Variants in TEX11 observed in about 807,000 individuals in gnomAD.
TEX11 encodes the protein testis-expressed protein 11.
Under a neutral mutation model 84.4 loss-of-function variants are expected in TEX11, and 7 were observed. The ratio of observed to expected loss-of-function variants is 0.08; its 90% CI spans 0.05 to 0.16. The LOEUF is 0.16. TEX11 is among the 10% of genes least tolerant of loss of function. TEX11 has a pLI of 1.00. For synonymous variants in TEX11, 264 were observed against 222.8 expected, an observed-to-expected ratio of 1.18 and a Z score of -1.64; for missense variants, 551 against 660.5, an observed-to-expected ratio of 0.83 and a Z score of 1.82.
In TEX11 at chrX:70,553,410, T is replaced by C; in HGVS notation, c.2295A>G (p.Ile765Met). 1 of 1,181,154 alleles carries C rather than the reference T, an allele frequency of 8.5e-7. No homozygotes were observed. The highest frequency in any genetic ancestry group is 1.1e-6 in the Non-Finnish European group (1 of 874,789). The change falls in exon 27 of 30, where the codon ATA (isoleucine) becomes ATG (methionine). Residue 765 changes from isoleucine (I) to methionine (M), a missense_variant. By Grantham distance (10) the Ile-to-Met change is conservative (BLOSUM62 1). Transcript: ENST00000374333. ...GATAGTGTGCAGGCTTTTCCATTGC[T>C]ATTACTAGAGTAAGAAAAGGAAAAA... Reference protein sequence around the residue: ...ETKTFETIAIIAMEKPAHYPL... With the variant: ...ETKTFETIAIMAMEKPAHYPL...
At chrX:70,811,852 T>C (rs1211583186) in intron 8 of TEX11, among the ~76,000 whole-genome samples, 2 of 111,990 alleles carry the variant, frequency 1.8e-5, no homozygotes, top group Non-Finnish European at 3.8e-5. Flanking sequence ...TCATATCCTT[T>C]GCCCACTTGT....
At chrX:70,847,111 C>G (rs1253603901) in intron 7 of TEX11, among the ~76,000 whole-genome samples, 1 of 110,918 alleles carries the variant, frequency 9.0e-6, no homozygotes, top group Non-Finnish European at 1.9e-5. Flanking sequence ...TATCACCCTC[C>G]CCTGTATCTC....
At chrX:70,807,832 G>A (rs924208519) in intron 8 of TEX11, among the ~76,000 whole-genome samples, 3 of 110,670 alleles carry the variant, frequency 2.7e-5, no homozygotes, top group Non-Finnish European at 5.7e-5. Context: ...GGCCAGGCAC[G>A]GTGGCTCACA....
At chrX:70,872,206 T>C (rs1187977309) in intron 4 of TEX11, among the ~76,000 whole-genome samples, 3 of 111,784 alleles carry the variant, frequency 2.7e-5, no homozygotes, top group Admixed American at 1.9e-4. Context: ...TCCTAGCTCT[T>C]ACCTCCCCAT....
intron 25 of TEX11, among the ~76,000 whole-genome samples, chrX:70,562,211 T>C (rs1453380338): frequency 8.9e-6 from 1 of 112,170 alleles, no homozygotes; most frequent in Non-Finnish European, 1.9e-5. Context: ...AGTATTCATG[T>C]ATTTTTAGTC....
chrX:70,658,834 A>G (rs1163646013), intron 16 of TEX11, among the ~76,000 whole-genome samples: 3 of 111,811 alleles, frequency 2.7e-5, no homozygotes, highest in Middle Eastern at 4.6e-3. Context: ...TAATCAAAAC[A>G]GTATAGTACT....
intron 2 of TEX11, among the ~76,000 whole-genome samples, chrX:70,906,126 T>C (rs1342942141): frequency 1.1e-4 from 5 of 44,677 alleles, no homozygotes; most frequent in Non-Finnish European, 2.0e-4. Context: ...TATATATATA[T>C]ATATATATCA....
Position 70,740,797 on chromosome X carries a change from C to A in TEX11, c.748-1G>T. 8.8e-7 allele frequency: 1 copy of A among 1,139,058 alleles called. No homozygotes were observed. Among genetic ancestry groups the A allele is most frequent in the Admixed American group, 2.5e-5 (1 of 39,299 alleles). The allele number at this position is 1,139,058 out of a possible 1,213,427, so 93.9% of individuals were successfully genotyped here. A position where few individuals can be genotyped will look rare whatever the true frequency, so the allele number is the denominator to read the frequency against. On this transcript the variant is annotated splice_acceptor_variant, in intron 10 of 29. Coordinates refer to ENST00000374333, the MANE Select transcript of TEX11 (RefSeq NM_031276.3). LOFTEE classifies it high-confidence loss of function. ...TGGCTAATAGCCGTAGAACTTTAGC[C>A]TGTAAGAAAAAAAAAAAGAAAAAAA...
chrX:70,639,099 G>A (rs988617550), intron 17 of TEX11, among the ~76,000 whole-genome samples: 19 of 111,747 alleles, frequency 1.7e-4, no homozygotes, highest in Non-Finnish European at 2.8e-4. Flanking sequence ...TGCCTCACTC[G>A]GCGGGGGGAA....
At chrX:70,756,836 T>C (rs947695704) in intron 9 of TEX11, among the ~76,000 whole-genome samples, 2 of 111,986 alleles carry the variant, frequency 1.8e-5, no homozygotes, top group African/African-American at 3.2e-5. Context: ...TAAAGGAGCA[T>C]GTTCTAACCC....
At chrX:70,516,309 G>T in the TEX11 span, among the ~76,000 whole-genome samples, 1 of 111,982 alleles carries the variant, frequency 8.9e-6, no homozygotes, top group African/African-American at 3.2e-5. Flanking sequence ...AAGGTGTAAG[G>T]AAGGGATCCA....
intron 13 of TEX11, among the ~76,000 whole-genome samples, chrX:70,705,544 A>T (rs1458793963): frequency 1.4e-4 from 16 of 111,474 alleles, no homozygotes; most frequent in South Asian, 3.8e-4. Context: ...GGGAGAAAAT[A>T]TTTGCAATCT....
At chrX:70,686,414 A>G in intron 13 of TEX11, among the ~76,000 whole-genome samples, 1 of 111,754 alleles carries the variant, frequency 8.9e-6, no homozygotes, top group Non-Finnish European at 1.9e-5. Flanking sequence ...GCAAGCCATC[A>G]TCTCAGCAAA....
At chrX:70,671,940 C>T (rs1343445084) in intron 15 of TEX11, among the ~76,000 whole-genome samples, 1 of 94,025 alleles carries the variant, frequency 1.1e-5, no homozygotes, top group Non-Finnish European at 2.1e-5. Context: ...ACCATCAACA[C>T]AGTCAACGGA....
intron 13 of TEX11, among the ~76,000 whole-genome samples, chrX:70,710,767 G>A (rs1347713477): frequency 9.0e-6 from 1 of 110,562 alleles, no homozygotes; most frequent in Admixed American, 9.7e-5. Flanking sequence ...AAGCAACAAG[G>A]ATTCACTGAG....
chrX:70,830,803 C>T (rs749108776), intron 8 of TEX11, among the ~76,000 whole-genome samples: 3 of 111,735 alleles, frequency 2.7e-5, no homozygotes, highest in Non-Finnish European at 3.8e-5. Flanking sequence ...ATCAAAAAGA[C>T]AAAAGATAAG....
intron 4 of TEX11, among the ~76,000 whole-genome samples, chrX:70,861,382 T>A (rs1279789320): frequency 9.1e-6 from 1 of 110,261 alleles, no homozygotes; most frequent in Non-Finnish European, 1.9e-5. Flanking sequence ...TTTTAAAAAA[T>A]CAATTTTCAA....
intron 13 of TEX11, among the ~76,000 whole-genome samples, chrX:70,703,961 T>C (rs1225135853): frequency 1.8e-5 from 2 of 111,408 alleles, no homozygotes; most frequent in African/African-American, 3.3e-5. Flanking sequence ...AGGTCGGGCC[T>C]AGTGGGAGGT....
chrX:70,730,503 T>C lies in TEX11; in HGVS notation c.844-5160A>G, dbSNP rs150047734. On this transcript the variant is annotated intron_variant, in intron 11 of 29. Transcript: ENST00000374333. The stretch of plus-strand genomic sequence containing the variant: ...ACAAACAAAGGCAGGGGTTGCAATC[T>C]TACTCTCTGATAATACAGACTTTAA... 9.7e-3 allele frequency among the ~76,000 whole-genome samples: 1,080 copies of C among 111,279 alleles called. 6 individuals are homozygous for C. The highest frequency in any genetic ancestry group is 0.018 in the Middle Eastern group (4 of 217).
Sources: gnomAD v4.1 joint callset for allele counts (sites outside exome capture counted in the v4.1 genomes callset) on GRCh38, gnomAD v4.1.1 for gene constraint, MANE v1.5 for transcripts, NCBI Gene and HGNC (gene_info 2026-07-23, HGNC 2026-07-21) for gene names.